The following GALNTL6 variants were observed in gnomAD, a reference collection of about 807,000 sequenced individuals.
GALNTL6 encodes the protein polypeptide N-acetylgalactosaminyltransferase-like 6.
GALNTL6 carries 46 observed loss-of-function variants against 73.7 expected under a neutral mutation model. The observed-to-expected ratio is 0.62, with a 90% CI of 0.49 to 0.80. The LOEUF (loss-of-function observed/expected upper bound fraction) is 0.80. Ranked by LOEUF, GALNTL6 falls within the 30% of genes least tolerant of loss-of-function variation. The pLI is 0.00. For synonymous variants in GALNTL6, 259 were observed against 263.7 expected, an observed-to-expected ratio of 0.98 and a Z score of 0.17; for missense variants, 604 against 755.0, an observed-to-expected ratio of 0.80 and a Z score of 2.34.
chr4:172,732,581 G>A (rs1268461254), intron 5 of GALNTL6, among the ~76,000 whole-genome samples: 1 of 151,980 alleles, frequency 6.6e-6, no homozygotes, highest in East Asian at 1.9e-4. Flanking sequence ...TTTTTTGGTG[G>A]TTTTGAGATT....
intron 3 of GALNTL6, among the ~76,000 whole-genome samples, chr4:172,230,402 G>A (rs759213182): frequency 6.1e-4 from 93 of 151,840 alleles, no homozygotes; most frequent in Non-Finnish European, 1.0e-3. Flanking sequence ...CCTGGCTAAC[G>A]CGTTGAAACC....
intron 12 of GALNTL6, among the ~76,000 whole-genome samples, chr4:173,034,848 C>T (rs527661929): frequency 6.6e-6 from 1 of 152,304 alleles, no homozygotes; most frequent in South Asian, 2.1e-4. Context: ...TCACCCCTAC[C>T]TCTGGAAAAG....
At chr4:172,260,145 C>G (rs900474778) in intron 3 of GALNTL6, among the ~76,000 whole-genome samples, 1 of 151,388 alleles carries the variant, frequency 6.6e-6, no homozygotes, top group Non-Finnish European at 1.5e-5. Context: ...GATGATGGTA[C>G]TTTGACGAGA....
intron 7 of GALNTL6, among the ~76,000 whole-genome samples, chr4:172,862,651 C>T (rs912937850): frequency 6.6e-6 from 1 of 151,858 alleles, no homozygotes; most frequent in Non-Finnish European, 1.5e-5. Context: ...GGTGAGCCAA[C>T]ATCACAGTAC....
intron 2 of GALNTL6, among the ~76,000 whole-genome samples, chr4:172,081,884 T>C (rs1731891121): frequency 6.6e-6 from 1 of 151,402 alleles, no homozygotes; most frequent in African/African-American, 2.4e-5. Context: ...TCCTTTTTTT[T>C]TTTTTAAATT....
At chr4:171,938,605 T>C (rs145175169) in intron 2 of GALNTL6, among the ~76,000 whole-genome samples, 114 of 152,284 alleles carry the variant, frequency 7.5e-4, no homozygotes, top group African/African-American at 2.5e-3. Context: ...CCATTATAAC[T>C]TAATTTTAAA....
At chr4:171,987,980 G>T (rs1740158061) in intron 2 of GALNTL6, among the ~76,000 whole-genome samples, 1 of 152,182 alleles carries the variant, frequency 6.6e-6, no homozygotes, top group South Asian at 2.1e-4. Flanking sequence ...AGCTGAAGGA[G>T]CCGGGGAGCA....
At chr4:172,984,628 G>A (rs1390873733) in intron 10 of GALNTL6, among the ~76,000 whole-genome samples, 4 of 152,158 alleles carry the variant, frequency 2.6e-5, no homozygotes, top group African/African-American at 7.2e-5. Flanking sequence ...GGGAGGGGGC[G>A]AGGACGGCAA....
At chr4:171,982,279 C>G (rs1021650497) in intron 2 of GALNTL6, among the ~76,000 whole-genome samples, 1 of 139,612 alleles carries the variant, frequency 7.2e-6, no homozygotes, top group Non-Finnish European at 1.6e-5. Context: ...ACCTAATAGA[C>G]GAAAGTATTT....
chr4:172,148,618 A>G (rs935717844), intron 2 of GALNTL6, among the ~76,000 whole-genome samples: 2 of 152,188 alleles, frequency 1.3e-5, no homozygotes, highest in Non-Finnish European at 2.9e-5. Context: ...TTTCCTATGC[A>G]TGTTATATCT....
intron 5 of GALNTL6, among the ~76,000 whole-genome samples, chr4:172,402,649 A>AT (rs1429865678): frequency 1.3e-5 from 2 of 152,064 alleles, no homozygotes; most frequent in African/African-American, 2.4e-5. Context: ...TTATAGGAAG[A>AT]TTTTTTGGAC....
chr4:172,670,432 G>A (rs1279259178), intron 5 of GALNTL6, among the ~76,000 whole-genome samples: 2 of 151,846 alleles, frequency 1.3e-5, no homozygotes, highest in Non-Finnish European at 2.9e-5. Context: ...TATGCATGTT[G>A]GTTGCATGTA....
chr4:171,829,382 C>G (rs1734906030), intron 2 of GALNTL6, among the ~76,000 whole-genome samples: 1 of 152,124 alleles, frequency 6.6e-6, no homozygotes, highest in Non-Finnish European at 1.5e-5. Flanking sequence ...AGTCTTAAAT[C>G]TCTTTATTGG....
intron 5 of GALNTL6, among the ~76,000 whole-genome samples, chr4:172,371,277 C>T (rs904983712): frequency 6.6e-6 from 1 of 152,128 alleles, no homozygotes; most frequent in African/African-American, 2.4e-5. Flanking sequence ...TCGGAACTTC[C>T]TATGGTAATT....
chr4:172,058,766 A>G (rs1731106760), intron 2 of GALNTL6, among the ~76,000 whole-genome samples: 1 of 152,136 alleles, frequency 6.6e-6, no homozygotes, highest in African/African-American at 2.4e-5. Flanking sequence ...TCAAATGGCA[A>G]TCTTACTTCC....
chr4:172,009,794 T>C (rs994161278), intron 2 of GALNTL6, among the ~76,000 whole-genome samples: 2 of 151,936 alleles, frequency 1.3e-5, no homozygotes, highest in African/African-American at 4.8e-5. Context: ...TTATCCAGAG[T>C]TCAAATAGAG....
intron 5 of GALNTL6, among the ~76,000 whole-genome samples, chr4:172,690,389 A>G (rs1400262648): frequency 3.3e-5 from 5 of 152,224 alleles, no homozygotes; most frequent in Admixed American, 3.3e-4. Flanking sequence ...TCTTATATTT[A>G]TCACACTGGA....
At chr4:172,003,093 T>A (rs1032831824) in intron 2 of GALNTL6, among the ~76,000 whole-genome samples, 1 of 152,132 alleles carries the variant, frequency 6.6e-6, no homozygotes, top group Admixed American at 6.6e-5. Flanking sequence ...CCTTCTTGCT[T>A]CTTTCATGGC....
intron 4 of GALNTL6, among the ~76,000 whole-genome samples, chr4:172,339,257 C>CCACACACA (rs70941402): frequency 0.031 from 3,793 of 120,890 alleles, 112 homozygotes; most frequent in African/African-American, 0.049. Flanking sequence ...CACACACACA[C>CCACACACA]CACACACACA....
Sources: gnomAD v4.1 joint callset for allele counts (sites outside exome capture counted in the v4.1 genomes callset) on GRCh38, gnomAD v4.1.1 for gene constraint, MANE v1.5 for transcripts, NCBI Gene and HGNC (gene_info 2026-07-23, HGNC 2026-07-21) for gene names.